Variants in NADSYN1 observed in about 807,000 individuals in gnomAD.
The protein encoded by NADSYN1 is glutamine-dependent NAD(+) synthetase.
A neutral mutation model predicts 99.3 loss-of-function variants in NADSYN1; 80 were observed. The observed-to-expected ratio is 0.81, with a 90% CI of 0.67 to 0.97. The LOEUF (loss-of-function observed/expected upper bound fraction) is 0.97, where lower values mean the gene tolerates loss of function less well. Ranked by LOEUF, NADSYN1 falls within the 50% of genes least tolerant of loss-of-function variation. NADSYN1 has a pLI of 0.00. For synonymous variants in NADSYN1, 385 were observed against 372.1 expected (o/e 1.03, Z -0.40); for missense variants, 859 against 948.5 (o/e 0.91, Z 1.24).
chr11:71,481,860 C>A, intron 12 of NADSYN1, 63 bp from the exon 13 acceptor site: 2 of 1,468,076 alleles, frequency 1.4e-6, no homozygotes, highest in Non-Finnish European at 1.9e-6. Context: ...TGGAGCTTGG[C>A]TGATCCATGG....
At chr11:71,475,119 C>G (rs978005889) in intron 9 of NADSYN1, 1 of 165,838 alleles carries the variant, frequency 6.0e-6, no homozygotes, top group Non-Finnish European at 1.3e-5. Flanking sequence ...CAAAGCCACT[C>G]CTTTGAAATT....
intron 8 of NADSYN1, 139 bp from the exon 9 acceptor site, chr11:71,474,256 C>T (rs948708420): frequency 3.6e-6 from 4 of 1,112,044 alleles, no homozygotes; most frequent in Non-Finnish European, 5.2e-6. Context: ...CTTCCCCACA[C>T]ATATGCGTTA....
intron 16 of NADSYN1, among the ~76,000 whole-genome samples, chr11:71,490,638 G>A (rs1197741195): frequency 6.6e-6 from 1 of 152,154 alleles, no homozygotes; most frequent in African/African-American, 2.4e-5. Context: ...GCCATCCCCG[G>A]CGTCTCCTCT....
intron 2 of NADSYN1, 109 bp downstream of exon 2, chr11:71,455,279 C>A: frequency 1.1e-6 from 1 of 908,514 alleles, no homozygotes; most frequent in Non-Finnish European, 1.7e-6. Flanking sequence ...GAGCTGTGGA[C>A]ACGCCACACC....
chr11:71,457,335 C>G (rs573552936), intron 2 of NADSYN1, among the ~76,000 whole-genome samples: 1 of 152,338 alleles, frequency 6.6e-6, no homozygotes, highest in South Asian at 2.1e-4. Flanking sequence ...TACTGAAAGT[C>G]ACAATTGCTG....
chr11:71,486,149 C>T (rs113615982), intron 16 of NADSYN1, among the ~76,000 whole-genome samples: 4 of 152,340 alleles, frequency 2.6e-5, no homozygotes, highest in East Asian at 1.9e-4. Flanking sequence ...AATTCTTTTC[C>T]AGCCTTGGTT....
intron 9 of NADSYN1, among the ~76,000 whole-genome samples, chr11:71,477,924 C>T (rs1949679899): frequency 6.6e-6 from 1 of 152,254 alleles, no homozygotes; most frequent in Non-Finnish European, 1.5e-5. Context: ...CAGCCACATG[C>T]AGAGGCAGCA....
chr11:71,472,524 GT>G, intron 6 of NADSYN1, 24 bp downstream of exon 6: 1 of 1,606,208 alleles, frequency 6.2e-7, no homozygotes, highest in Non-Finnish European at 8.5e-7. Flanking sequence ...TGTGGAGCCC[GT>G]TTTTCAGTCG....
At chr11:71,465,264 T>C (rs981922794) in intron 5 of NADSYN1, among the ~76,000 whole-genome samples, 5 of 152,068 alleles carry the variant, frequency 3.3e-5, no homozygotes, top group Non-Finnish European at 5.9e-5. Flanking sequence ...GAACAACTGT[T>C]CATTGTTCTC....
Position 71,473,683 on chromosome 11 carries a change from C to T in NADSYN1, c.663C>T (p.Ser221=), listed in dbSNP as rs1355759549. ...TGGATCTCGTGACTATGGTCACCAGCAAGGTAGGGGCTGGGCCAGGGAGCG... is the reference window on the plus strand; with the variant it reads ...TGGATCTCGTGACTATGGTCACCAGTAAGGTAGGGGCTGGGCCAGGGAGCG... ...TRVDLVTMVT[S]KNGGIYLLAN... The change falls in exon 8 of 21, where the codon AGC becomes AGT. Residue 221 remains serine, a synonymous_variant. Coordinates refer to ENST00000319023, the MANE Select transcript of NADSYN1 (RefSeq NM_018161.5). 1.2e-6 allele frequency: 2 copies of T among 1,609,608 alleles called. No homozygotes were observed. Among genetic ancestry groups the T allele is most frequent in the Non-Finnish European group, 1.7e-6 (2 of 1,176,900 alleles).
chr11:71,473,569 C>T lies in NADSYN1; in HGVS notation c.549C>T (p.Ser183=). 1 of 1,608,670 alleles carries T rather than the reference C, an allele frequency of 6.2e-7. No individual in the cohort carries two copies. The highest frequency in any genetic ancestry group is 1.1e-5 in the South Asian group (1 of 90,862). Residue 183 remains serine, a splice_region_variant and synonymous_variant, in exon 8 of 21, where the codon AGC becomes AGT. Coordinates refer to ENST00000319023, the MANE Select transcript of NADSYN1 (RefSeq NM_018161.5). The stretch of plus-strand genomic sequence containing the variant: ...TCTCTTCACCTGCCTCTGCCTGCAG[C>T]CCGCACATCGACATGGGCCTGGATG... ...EICEELWTPH[S]PHIDMGLDGV...
rs868218606 is a variant in NADSYN1 at position 71,501,152 on chromosome 11, C to T, written c.2071-150C>T. 5.8e-6 allele frequency: 4 copies of T among 687,788 alleles called. No individual in the cohort carries two copies. The Middle Eastern group carries it at 1.3e-3, about 224-fold the overall frequency. 42.6% of individuals were successfully genotyped at this position (687,788 alleles called of 1,614,324 possible). On this transcript the variant is annotated intron_variant, in intron 20 of 20. Coordinates refer to ENST00000319023, the MANE Select transcript of NADSYN1 (RefSeq NM_018161.5). ...TCTGGACCCGCCCCTCCAGGCTTTT[C>T]CAGCACACACGCCCAGCATCTGGTG...
chr11:71,498,487 A>G lies in NADSYN1; in HGVS notation c.2029A>G (p.Asn677Asp). The G allele has an allele frequency of 6.2e-7, 1 of 1,614,166 alleles. No individual in the cohort carries two copies. The change falls in exon 20 of 21, where the codon AAC becomes GAC. Residue 677 changes from asparagine to aspartate, a missense_variant. Transcript: ENST00000319023. Reference sequence around the variant, plus strand: ...GTTTGATCTGCGACCATTTCTGTACAACACAAGCTGGCCTTGGCAGTTTCG... The same window carrying G: ...GTTTGATCTGCGACCATTTCTGTACGACACAAGCTGGCCTTGGCAGTTTCG... Reference protein sequence around the residue: ...NRFDLRPFLYNTSWPWQFRCI... With the variant: ...NRFDLRPFLYDTSWPWQFRCI...
At chr11:71,491,029 A>G in intron 17 of NADSYN1, 53 bp downstream of exon 17, 2 of 1,607,872 alleles carry the variant, frequency 1.2e-6, no homozygotes, top group Non-Finnish European at 1.7e-6. Context: ...CTCTCCCAGC[A>G]CGGCCCCGGC....
Position 71,491,856 on chromosome 11 carries a change from G to A in NADSYN1, c.1717G>A (p.Ala573Thr), listed in dbSNP as rs144139747. 1,897 of 1,613,954 alleles carry A rather than the reference G, an allele frequency of 1.2e-3. 1 individual carries two copies. The highest frequency in any genetic ancestry group is 1.5e-3 in the Non-Finnish European group (1,825 of 1,180,004). The part of the protein sequence containing the change: ...LQSILLAPAT[A>T]ELEPLADGQV... ...CAGCATCCTGTTGGCGCCGGCCACC[G>A]CAGAGCTGGAGCCCTTGGCTGATGG... is the stretch of plus-strand genomic sequence containing the variant. Residue 573 changes from alanine to threonine, a missense_variant, in exon 18 of 21, where the codon GCA becomes ACA. Transcript: ENST00000319023.
chr11:71,458,636 G>C (rs1949528989), intron 3 of NADSYN1, 92 bp downstream of exon 3: 3 of 877,630 alleles, frequency 3.4e-6, no homozygotes, highest in Non-Finnish European at 3.8e-6. Context: ...CCAGGGTGTG[G>C]AACATCCATG....
chr11:71,478,591 C>T (rs1949685210), intron 10 of NADSYN1, 122 bp downstream of exon 10: 1 of 866,584 alleles, frequency 1.2e-6, no homozygotes, highest in East Asian at 2.7e-5. Flanking sequence ...CAGGGAAGTT[C>T]CGGACTTCCC....
chr11:71,457,508 C>T (rs2120391862), intron 2 of NADSYN1, among the ~76,000 whole-genome samples: 1 of 152,356 alleles, frequency 6.6e-6, no homozygotes, highest in East Asian at 1.9e-4. Context: ...ACCCAGCCTT[C>T]GCATTTAATG....
intron 20 of NADSYN1, among the ~76,000 whole-genome samples, chr11:71,500,654 T>C (rs1408228757): frequency 6.6e-6 from 1 of 152,166 alleles, no homozygotes; most frequent in African/African-American, 2.4e-5. Context: ...ATCTGGCTGA[T>C]TTCCGTGGAA....
Sources: allele counts gnomAD v4.1 joint callset (sites outside exome capture counted in the v4.1 genomes callset), GRCh38; gene constraint gnomAD v4.1.1; transcripts MANE v1.5; gene names NCBI Gene and HGNC (gene_info 2026-07-23, HGNC 2026-07-21).